Variants in BFSP1 observed in about 807,000 individuals in gnomAD.
BFSP1 encodes the protein beaded filament structural protein 1.
Under a neutral mutation model 43.9 loss-of-function variants are expected in BFSP1, and 38 were observed. The observed-to-expected ratio is 0.87, with a 90% CI of 0.67 to 1.14. BFSP1 has a LOEUF of 1.14. Ranked by LOEUF, BFSP1 falls within the 50% of genes most tolerant of loss-of-function variation. The pLI is 0.00. For synonymous variants in BFSP1, 352 were observed against 354.8 expected (o/e 0.99, Z 0.09); for missense variants, 850 against 875.1 (o/e 0.97, Z 0.36).
At chr20:17,510,760 C>T (rs1207719336) in intron 4 of BFSP1, among the ~76,000 whole-genome samples, 1 of 152,172 alleles carries the variant, frequency 6.6e-6, no homozygotes, top group African/African-American at 2.4e-5. Context: ...CATTCATTGA[C>T]TCGGAGCATG....
At chr20:17,552,178 C>A (rs891524899) in intron 1 of BFSP1, among the ~76,000 whole-genome samples, 1 of 152,004 alleles carries the variant, frequency 6.6e-6, no homozygotes, top group Non-Finnish European at 1.5e-5. Context: ...TAATTTTAGA[C>A]AGGGTGGTCA....
At chr20:17,567,783 C>A (rs951237899) in intron 1 of BFSP1, among the ~76,000 whole-genome samples, 2 of 151,684 alleles carry the variant, frequency 1.3e-5, no homozygotes, top group East Asian at 3.9e-4. Context: ...ATCGCTTGAA[C>A]CCGAGAGGCG....
At chr20:17,536,146 G>A (rs2034625600), upstream of BFSP1, among the ~76,000 whole-genome samples, 1 of 152,126 alleles carries the variant, frequency 6.6e-6, no homozygotes, top group African/African-American at 2.4e-5. Flanking sequence ...CAAACTTGAA[G>A]GGGAAAAGAA....
intron 5 of BFSP1, among the ~76,000 whole-genome samples, chr20:17,500,833 C>G (rs550482625): frequency 3.3e-5 from 5 of 152,178 alleles, no homozygotes; most frequent in Non-Finnish European, 7.3e-5. Flanking sequence ...GCCGAGATAT[C>G]ATGATTCTTT....
At chr20:17,537,549 A>C (rs2034646600) in intron 1 of BFSP1, among the ~76,000 whole-genome samples, 1 of 147,886 alleles carries the variant, frequency 6.8e-6, no homozygotes. Flanking sequence ...CTCAGGGTCT[A>C]ATTCAGAAAC....
At chr20:17,545,205 CT>C (rs2034780013) in intron 1 of BFSP1, among the ~76,000 whole-genome samples, 1 of 151,868 alleles carries the variant, frequency 6.6e-6, no homozygotes, top group South Asian at 2.1e-4. Context: ...GCAGGTAGGG[CT>C]TTTTTTTATT....
chr20:17,563,131 G>A (rs1363495443), upstream of BFSP1: 1 of 152,186 alleles, frequency 6.6e-6, no homozygotes, highest in African/African-American at 2.4e-5. Context: ...TCTAACTGTG[G>A]CAGTCACTAC....
At chr20:17,513,377 G>C (rs1277082210) in intron 3 of BFSP1, among the ~76,000 whole-genome samples, 1 of 152,150 alleles carries the variant, frequency 6.6e-6, no homozygotes, top group African/African-American at 2.4e-5. Flanking sequence ...AAGCCTCACA[G>C]TGTGAGCGAT....
intron 1 of BFSP1, chr20:17,541,212 T>C (rs1444117204): frequency 1.1e-6 from 1 of 937,738 alleles, no homozygotes; most frequent in African/African-American, 1.8e-5. Flanking sequence ...AAAAAAAAAA[T>C]AATAATTAGT....
Position 17,508,965 on chromosome 20 carries a change from G to A in BFSP1, c.659C>T (p.Ala220Val). 6.2e-7 allele frequency: 1 copy of A among 1,601,788 alleles called. No homozygotes were observed. Among genetic ancestry groups the A allele is most frequent in the South Asian group, 1.1e-5 (1 of 88,316 alleles). Residue 220 changes from alanine (A) to valine (V), a missense_variant, in exon 5 of 8, where the codon GCC (alanine) becomes GTC (valine). By Grantham distance (64) the Ala-to-Val change is moderately conservative. Transcript: ENST00000377873. The part of the protein sequence containing the change: ...EKLLTEREVA[A>V]LRSQLEEGRE... Reference sequence around the variant, plus strand: ...GCCCTCCTCCAGCTGACTCCGCAGGGCGGCCACCTCCCGCTCCGTCAGGAG... The same window carrying A: ...GCCCTCCTCCAGCTGACTCCGCAGGACGGCCACCTCCCGCTCCGTCAGGAG...
intron 1 of BFSP1, among the ~76,000 whole-genome samples, chr20:17,565,157 A>T (rs1040509366): frequency 1.3e-5 from 2 of 152,124 alleles, no homozygotes; most frequent in Non-Finnish European, 2.9e-5. Context: ...GATTTTTTTC[A>T]CTATAGTTTT....
chr20:17,556,681 A>G (rs903820753), intron 1 of BFSP1, among the ~76,000 whole-genome samples: 4 of 151,928 alleles, frequency 2.6e-5, no homozygotes, highest in Non-Finnish European at 5.9e-5. Context: ...AAAGAATTGC[A>G]GGGGAGTGAA....
intron 1 of BFSP1, among the ~76,000 whole-genome samples, chr20:17,537,458 T>C (rs1264237723): frequency 1.3e-5 from 2 of 151,744 alleles, no homozygotes; most frequent in African/African-American, 4.8e-5. Flanking sequence ...ACACACGCAG[T>C]TGACTCTGAA....
exon 1 of BFSP1, chr20:17,558,798 AAC>A (rs2035037555): frequency 1.3e-6 from 2 of 1,492,246 alleles, no homozygotes; most frequent in African/African-American, 2.8e-5. Context: ...AGGACTCCAA[AAC>A]CCTCTCCAGA....
In BFSP1 at chr20:17,531,191, GC is replaced by G; in HGVS notation, c.138del (p.Leu47SerfsTer91). The G allele has an allele frequency of 7.7e-7, 1 of 1,299,884 alleles. No individual in the cohort carries two copies. 80.5% of individuals were successfully genotyped at this position (1,299,884 alleles called of 1,614,324 possible). ...AGATSLAALQ[G>X]LGERVAAHVQ... ...ACGTGGGCGGCCACGCGCTCGCCGA[GC>G]CCCTGCAGCGCCGCCAGGCTCGTTG... On this transcript the variant is annotated frameshift_variant, in exon 1 of 8. Transcript: ENST00000377873. LOFTEE classifies it high-confidence loss of function.
intron 1 of BFSP1, among the ~76,000 whole-genome samples, chr20:17,549,251 G>T (rs6111562): frequency 0.081 from 12,356 of 152,168 alleles, 887 homozygotes; most frequent in African/African-American, 0.2. Flanking sequence ...GTTCCTGGTT[G>T]TATTAGTCTG....
intron 1 of BFSP1, among the ~76,000 whole-genome samples, chr20:17,554,254 T>C (rs1377292221): frequency 6.6e-6 from 1 of 152,168 alleles, no homozygotes; most frequent in Non-Finnish European, 1.5e-5. Context: ...AAGTCTTGCC[T>C]TATATAACTT....
intron 1 of BFSP1, among the ~76,000 whole-genome samples, chr20:17,537,568 C>CAAAAAAAAAAAAAAAAAAAAAAAA (rs901895418): frequency 1.6e-5 from 1 of 63,826 alleles, no homozygotes; most frequent in Non-Finnish European, 3.2e-5. Context: ...ACTGAAGCAC[C>CAAAAAAAAAAAAAAAAAAAAAAAA]AAAAAAAAAA....
upstream of BFSP1, chr20:17,560,472 T>C (rs2035057357): frequency 6.6e-6 from 1 of 152,236 alleles, no homozygotes; most frequent in African/African-American, 2.4e-5. Context: ...CAAGTTTATC[T>C]TGGCATTTCT....
Sources: allele counts gnomAD v4.1 joint callset (sites outside exome capture counted in the v4.1 genomes callset), GRCh38; gene constraint gnomAD v4.1.1; transcripts MANE v1.5; gene names NCBI Gene and HGNC (gene_info 2026-07-23, HGNC 2026-07-21).